The following RPTOR variants were observed in gnomAD, a reference collection of about 807,000 sequenced individuals.
The protein encoded by RPTOR is regulatory-associated protein of mTOR.
Under a neutral mutation model 169.9 loss-of-function variants are expected in RPTOR, and 21 were observed. That is an observed-to-expected ratio of 0.12 (90% CI 0.09 to 0.18). RPTOR has a LOEUF of 0.18. Among genes scored for constraint, RPTOR ranks in the 10% least tolerant of loss-of-function variants. RPTOR has a pLI of 1.00. For missense variants in RPTOR, 1,133 were observed against 1,855.9 expected (o/e 0.61, Z 7.16); for synonymous variants, 732 against 753.2 (o/e 0.97, Z 0.46).
chr17:80,755,752 A>AT (rs1053291598), intron 6 of RPTOR, among the ~76,000 whole-genome samples: 1 of 151,524 alleles, frequency 6.6e-6, no homozygotes, highest in East Asian at 1.9e-4. Context: ...AAAAAAAAAA[A>AT]AAAAAAGAAA....
chr17:80,795,726 G>A (rs1040513966), intron 7 of RPTOR, among the ~76,000 whole-genome samples: 1 of 152,104 alleles, frequency 6.6e-6, no homozygotes, highest in Non-Finnish European at 1.5e-5. Context: ...CCCCTTCTGA[G>A]CCACACTCAC....
At chr17:80,868,492 C>T (rs914638830) in intron 13 of RPTOR, among the ~76,000 whole-genome samples, 4 of 152,192 alleles carry the variant, frequency 2.6e-5, no homozygotes, top group Non-Finnish European at 5.9e-5. Flanking sequence ...TCGGCAAGGC[C>T]GTGGAGGAAC....
intron 4 of RPTOR, among the ~76,000 whole-genome samples, chr17:80,728,738 CTTTT>C: frequency 6.8e-6 from 1 of 147,840 alleles, no homozygotes; most frequent in African/African-American, 2.5e-5. Flanking sequence ...TGCTCTTGTG[CTTTT>C]TTTTTTCTCT....
intron 2 of RPTOR, among the ~76,000 whole-genome samples, chr17:80,641,339 T>A (rs940327822): frequency 1.3e-5 from 2 of 152,248 alleles, no homozygotes; most frequent in Non-Finnish European, 2.9e-5. Flanking sequence ...TTAGAACCAT[T>A]GAATTAGAAT....
chr17:80,692,709 T>A (rs1029281014), intron 3 of RPTOR, among the ~76,000 whole-genome samples: 1 of 152,228 alleles, frequency 6.6e-6, no homozygotes, highest in Non-Finnish European at 1.5e-5. Context: ...GTGATCCTCC[T>A]GCCTCAGCCT....
Position 80,561,511 on chromosome 17 carries a change from G to A in RPTOR, c.162+15720G>A, listed in dbSNP as rs2083384716. 2.0e-5 allele frequency among the ~76,000 whole-genome samples: 3 copies of A among 151,800 alleles called. No homozygotes were observed. In the South Asian group the frequency reaches 6.3e-4, roughly 32 times the overall value. On this transcript the variant is annotated intron_variant, in intron 1 of 33. Coordinates refer to ENST00000306801, the MANE Select transcript of RPTOR (RefSeq NM_020761.3). ...AGTGGCACAATCACCGCTTACTGTA[G>A]CCTCGACCTCCCTGGTCTCAGGTGA...
At chr17:80,641,503 AAAT>A (rs1479184227) in intron 2 of RPTOR, among the ~76,000 whole-genome samples, 1 of 152,242 alleles carries the variant, frequency 6.6e-6, no homozygotes, top group African/African-American at 2.4e-5. Context: ...ATAGCTAAAA[AAAT>A]AATAATTAAA....
chr17:80,865,974 G>C (rs546950660), intron 13 of RPTOR, among the ~76,000 whole-genome samples: 161 of 152,230 alleles, frequency 1.1e-3, no homozygotes, highest in African/African-American at 3.5e-3. Flanking sequence ...ATAATAGATA[G>C]TAGGAATGTC....
chr17:80,923,398 G>T (rs548404011), intron 22 of RPTOR, 92 bp from the exon 23 acceptor site: 1 of 1,415,566 alleles, frequency 7.1e-7, no homozygotes, highest in African/African-American at 1.4e-5. Context: ...GCACCTGGGA[G>T]GGTGCAGGTG....
chr17:80,773,204 G>C (rs1029775078), intron 6 of RPTOR, among the ~76,000 whole-genome samples: 1 of 152,222 alleles, frequency 6.6e-6, no homozygotes, highest in African/African-American at 2.4e-5. Context: ...CAGGTGGGCA[G>C]GCGCTGTTGA....
chr17:80,582,943 A>G (rs560295769), intron 1 of RPTOR, among the ~76,000 whole-genome samples: 25 of 136,274 alleles, frequency 1.8e-4, no homozygotes, highest in Non-Finnish European at 3.1e-4. Flanking sequence ...ACGGGGTCCC[A>G]CTCTATCACC....
chr17:80,689,276 T>C (rs1169437772), intron 3 of RPTOR, among the ~76,000 whole-genome samples: 1 of 152,240 alleles, frequency 6.6e-6, no homozygotes, highest in African/African-American at 2.4e-5. Context: ...AGAGGTTGCA[T>C]CTGCATCTTG....
In RPTOR at chr17:80,883,401, C is replaced by A; in HGVS notation, c.1585-18C>A. On this transcript the variant is annotated intron_variant, in intron 14 of 33. Transcript: ENST00000306801. ...TTCCACTGAGGGGAGACGACCAGGA[C>A]TGGTTTTTGTTTTCCAGGCTGAACA... The A allele has an allele frequency of 1.2e-6, 2 of 1,613,660 alleles. No individual in the cohort carries two copies. The highest frequency in any genetic ancestry group is 2.2e-5 in the South Asian group (2 of 91,062).
intron 21 of RPTOR, among the ~76,000 whole-genome samples, chr17:80,920,986 T>C (rs987527408): frequency 6.6e-6 from 1 of 152,238 alleles, no homozygotes; most frequent in Non-Finnish European, 1.5e-5. Context: ...ACTCTTGTCA[T>C]TTAAAAAATA....
chr17:80,632,549 T>C (rs2065450261), intron 2 of RPTOR, among the ~76,000 whole-genome samples: 1 of 152,250 alleles, frequency 6.6e-6, no homozygotes, highest in Non-Finnish European at 1.5e-5. Flanking sequence ...AACTTGAGTT[T>C]TAAAAGTTTT....
chr17:80,953,836 C>T (rs1170667518), intron 28 of RPTOR, among the ~76,000 whole-genome samples: 1 of 152,234 alleles, frequency 6.6e-6, no homozygotes, highest in African/African-American at 2.4e-5. Context: ...CCCGGTTGCA[C>T]ACCGGCCCTC....
intron 5 of RPTOR, among the ~76,000 whole-genome samples, chr17:80,733,922 G>A (rs1228697823): frequency 2.0e-5 from 3 of 152,008 alleles, no homozygotes; most frequent in Non-Finnish European, 2.9e-5. Context: ...CCATTTTCAA[G>A]GCTCTTAGCT....
At chr17:80,840,514 CCACGGCAGCTCACACTCACCG>C (rs1161161778) in intron 10 of RPTOR, among the ~76,000 whole-genome samples, 10 of 95,416 alleles carry the variant, frequency 1.0e-4, no homozygotes, top group Admixed American at 4.8e-4. Context: ...GCAGCTCACA[CCACGGCAGCTCACACTCACCG>C]CACGGCAGCT....
intron 1 of RPTOR, among the ~76,000 whole-genome samples, chr17:80,591,803 A>G (rs2065110038): frequency 6.6e-6 from 1 of 152,158 alleles, no homozygotes; most frequent in African/African-American, 2.4e-5. Flanking sequence ...TGCGATGTCA[A>G]CATTTCATGG....
Sources: allele counts gnomAD v4.1 joint callset (sites outside exome capture counted in the v4.1 genomes callset), GRCh38; gene constraint gnomAD v4.1.1; transcripts MANE v1.5; gene names NCBI Gene and HGNC (gene_info 2026-07-23, HGNC 2026-07-21).